FHIP1A: variants seen among roughly 807,000 people sequenced by gnomAD.
FHIP1A encodes FHF complex subunit HOOK-interacting protein 1A.
FHIP1A carries 61 observed loss-of-function variants against 88.6 expected under a neutral mutation model. The ratio of observed to expected loss-of-function variants is 0.69; its 90% CI spans 0.56 to 0.85. The LOEUF (loss-of-function observed/expected upper bound fraction) is 0.85. Among genes scored for constraint, FHIP1A ranks in the 40% least tolerant of loss-of-function variants. The probability of loss-of-function intolerance (pLI) is 0.00; values close to 1 mark genes in which losing one functional copy is unlikely to be tolerated. For synonymous variants in FHIP1A, 478 were observed against 496.0 expected, an observed-to-expected ratio of 0.96 and a Z score of 0.48; for missense variants, 1,154 against 1,273.5, an observed-to-expected ratio of 0.91 and a Z score of 1.43.
chr4:151,417,960 A>G (rs1456491802), intron 1 of FHIP1A, among the ~76,000 whole-genome samples: 2 of 152,092 alleles, frequency 1.3e-5, no homozygotes, highest in African/African-American at 4.8e-5. Flanking sequence ...GCTTGAGGCC[A>G]GAAGTTTGAC....
At chr4:151,502,757 A>G (rs1177349152) in intron 3 of FHIP1A, among the ~76,000 whole-genome samples, 1 of 152,198 alleles carries the variant, frequency 6.6e-6, no homozygotes, top group African/African-American at 2.4e-5. Flanking sequence ...TTCTTGAACA[A>G]TATACAATTT....
In FHIP1A at chr4:151,656,347, C is replaced by G. The variant is rs1220500942; in HGVS notation, c.2667C>G (p.Leu889=). ...AGCTAGCCAGCTACCCCCAGCCACT[C>G]CTGCGCTCCTTTCTGCTCAACACCA... ...ITQLASYPQP[L]LRSFLLNTNM... Residue 889 remains leucine, a synonymous_variant, in exon 12 of 14, where the codon CTC becomes CTG. Transcript: ENST00000435205. The surrounding 1 kb of genome is among the most constrained non-coding windows in gnomAD (Gnocchi z 4.2). The G allele has an allele frequency of 6.4e-7, 1 of 1,551,590 alleles. No individual in the cohort carries two copies. The highest frequency in any genetic ancestry group is 1.4e-5 in the African/African-American group (1 of 73,036).
intron 1 of FHIP1A, among the ~76,000 whole-genome samples, chr4:151,425,872 T>C (rs552513969): frequency 6.6e-6 from 1 of 152,192 alleles, no homozygotes; most frequent in Non-Finnish European, 1.5e-5. Context: ...GATACATGTG[T>C]GCTCGCTTCA....
chr4:151,625,247 G>A (rs1015865899), intron 7 of FHIP1A, among the ~76,000 whole-genome samples: 1 of 152,152 alleles, frequency 6.6e-6, no homozygotes. Flanking sequence ...GATAACCCAG[G>A]TGAACCAGCA....
intron 3 of FHIP1A, among the ~76,000 whole-genome samples, chr4:151,485,256 T>C (rs1352176506): frequency 6.6e-6 from 1 of 151,706 alleles, no homozygotes; most frequent in Non-Finnish European, 1.5e-5. Context: ...TATAATTTCT[T>C]TCGAGCATAG....
chr4:151,469,925 C>T (rs1041245719), intron 2 of FHIP1A, among the ~76,000 whole-genome samples: 1 of 152,132 alleles, frequency 6.6e-6, no homozygotes, highest in African/African-American at 2.4e-5. Flanking sequence ...AAGACTAGTG[C>T]CCTTGTAACT....
chr4:151,524,705 A>G (rs527732189), intron 3 of FHIP1A, among the ~76,000 whole-genome samples: 2 of 152,348 alleles, frequency 1.3e-5, no homozygotes, highest in East Asian at 1.9e-4. Context: ...TTAATTTGAC[A>G]TATGAAGCAG....
chr4:151,434,964 C>CTATT (rs1733744953), intron 1 of FHIP1A, among the ~76,000 whole-genome samples: 1 of 152,038 alleles, frequency 6.6e-6, no homozygotes, highest in Admixed American at 6.5e-5. Flanking sequence ...CTTTATGACA[C>CTATT]ACATCTTTTA....
intron 1 of FHIP1A, among the ~76,000 whole-genome samples, chr4:151,413,546 T>A (rs926082975): frequency 6.6e-6 from 1 of 151,958 alleles, no homozygotes; most frequent in Non-Finnish European, 1.5e-5. Flanking sequence ...CCTTCGCCTC[T>A]TGGGTTCAAG....
Position 151,472,821 on chromosome 4 carries a change from T to G in FHIP1A, c.-247-9703T>G, listed in dbSNP as rs114462456. 6.2e-3 allele frequency among the ~76,000 whole-genome samples: 940 copies of G among 152,258 alleles called. 7 individuals carry two copies. Among genetic ancestry groups the G allele is most frequent in the Middle Eastern group, 0.017 (5 of 294 alleles). On this transcript the variant is annotated intron_variant, in intron 2 of 13. Coordinates refer to ENST00000435205, the MANE Select transcript of FHIP1A (RefSeq NM_001109977.3). ...GGGATTATAAAACATGCAGCACATTTAGGACTTGGTATAAAAAAGCTATTT... is the reference window on the plus strand; with the variant it reads ...GGGATTATAAAACATGCAGCACATTGAGGACTTGGTATAAAAAAGCTATTT...
chr4:151,535,331 A>T (rs548626769), intron 3 of FHIP1A, among the ~76,000 whole-genome samples: 1 of 152,234 alleles, frequency 6.6e-6, no homozygotes, highest in Non-Finnish European at 1.5e-5. Context: ...AATGCCAAAT[A>T]TGTCATAAAA....
chr4:151,608,174 A>T (rs957512636), intron 7 of FHIP1A, among the ~76,000 whole-genome samples: 2 of 148,140 alleles, frequency 1.4e-5, no homozygotes. Flanking sequence ...CCTCCCAAGT[A>T]GCTGGGATTA....
At chr4:151,562,928 TATATG>T (rs1733231156) in intron 3 of FHIP1A, among the ~76,000 whole-genome samples, 2 of 152,164 alleles carry the variant, frequency 1.3e-5, no homozygotes. Flanking sequence ...CTTTTATGAT[TATATG>T]ATATATTTTA....
intron 3 of FHIP1A, among the ~76,000 whole-genome samples, chr4:151,545,106 T>C (rs1293740657): frequency 1.3e-5 from 2 of 152,156 alleles, no homozygotes; most frequent in Non-Finnish European, 2.9e-5. Context: ...CTCACTGCCC[T>C]CACTATTTTT....
chr4:151,650,261 C>T lies in FHIP1A; in HGVS notation c.2220C>T (p.Asn740=), dbSNP rs541251878. 5 of 1,551,748 alleles carry T rather than the reference C, an allele frequency of 3.2e-6. No individual in the cohort carries two copies. The South Asian group carries it at 5.9e-5, about 18-fold the overall frequency. The change falls in exon 11 of 14, where the codon AAC becomes AAT. Residue 740 remains asparagine (N), a synonymous_variant. Coordinates refer to ENST00000435205, the MANE Select transcript of FHIP1A (RefSeq NM_001109977.3). ...CCCCTGAGGCAGAGCACAGCTCTAA[C>T]CTGACAGCCGCCCACCCGGAGAGCG... The part of the protein sequence containing the change: ...SPAPEAEHSS[N]LTAAHPESEE...
chr4:151,532,615 G>T (rs372883985), intron 3 of FHIP1A, among the ~76,000 whole-genome samples: 5 of 152,168 alleles, frequency 3.3e-5, no homozygotes, highest in African/African-American at 1.2e-4. Context: ...GGAACTTGGT[G>T]GGGGGTGCTT....
intron 11 of FHIP1A, among the ~76,000 whole-genome samples, chr4:151,652,359 A>G (rs1211796706): frequency 6.6e-6 from 1 of 152,198 alleles, no homozygotes; most frequent in African/African-American, 2.4e-5. Context: ...TGTGTGCTTT[A>G]TAGTTTCCAA....
At chr4:151,555,332 A>G (rs1015549128) in intron 3 of FHIP1A, among the ~76,000 whole-genome samples, 7 of 152,170 alleles carry the variant, frequency 4.6e-5, no homozygotes, top group African/African-American at 1.4e-4. Flanking sequence ...CTGGCATCAA[A>G]TCAACAGAAT....
intron 3 of FHIP1A, among the ~76,000 whole-genome samples, chr4:151,491,253 T>C (rs1479374496): frequency 1.8e-4 from 28 of 152,188 alleles, no homozygotes; most frequent in Non-Finnish European, 2.9e-5. Flanking sequence ...AAACATCTGG[T>C]GACCTATAAA....
Sources: allele counts gnomAD v4.1 joint callset (sites outside exome capture counted in the v4.1 genomes callset), GRCh38; gene constraint gnomAD v4.1.1; non-coding constraint Gnocchi (gnomAD v3.1); transcripts MANE v1.5; gene names NCBI Gene and HGNC (gene_info 2026-07-23, HGNC 2026-07-21).